The following PELI2 variants were observed in gnomAD, a reference collection of about 807,000 sequenced individuals.
PELI2 encodes the protein pellino E3 ubiquitin protein ligase family member 2.
PELI2 carries 23 observed loss-of-function variants against 42.3 expected under a neutral mutation model. That is an observed-to-expected ratio of 0.54 (90% confidence interval 0.39 to 0.77). The LOEUF (loss-of-function observed/expected upper bound fraction) is 0.77, where lower values mean the gene tolerates loss of function less well. PELI2 is among the 30% of genes least tolerant of loss of function. The pLI, the probability that PELI2 is intolerant of heterozygous loss-of-function variation, is 0.00. For synonymous variants in PELI2, 245 were observed against 212.2 expected (o/e 1.15, Z -1.34); for missense variants, 463 against 553.2 (o/e 0.84, Z 1.64).
intron 2 of PELI2, among the ~76,000 whole-genome samples, chr14:56,249,069 G>C (rs930213145): frequency 1.3e-5 from 2 of 152,142 alleles, no homozygotes; most frequent in Non-Finnish European, 2.9e-5. Flanking sequence ...TAGTGGTGCC[G>C]TGAATTGGCC....
chr14:56,176,784 C>T (rs1287977037), intron 1 of PELI2, among the ~76,000 whole-genome samples: 8 of 152,222 alleles, frequency 5.3e-5, no homozygotes, highest in Non-Finnish European at 5.9e-5. Context: ...GCATACATAG[C>T]AAGCCTTGCC....
chr14:56,210,347 G>A (rs896306256), intron 2 of PELI2, among the ~76,000 whole-genome samples: 3 of 152,140 alleles, frequency 2.0e-5, no homozygotes, highest in African/African-American at 7.2e-5. Context: ...TCTTTGGGAT[G>A]AGGATTGGGA....
intron 3 of PELI2, among the ~76,000 whole-genome samples, chr14:56,287,119 T>C (rs759778548): frequency 6.6e-6 from 1 of 152,174 alleles, no homozygotes; most frequent in Admixed American, 6.6e-5. Flanking sequence ...TGAAAAGTCA[T>C]TGCCCTCTTC....
At chr14:56,133,163 T>A (rs1883558498) in intron 1 of PELI2, among the ~76,000 whole-genome samples, 2 of 152,236 alleles carry the variant, frequency 1.3e-5, no homozygotes, top group Non-Finnish European at 2.9e-5. Flanking sequence ...CACCTCATTT[T>A]AAACATAATA....
Position 56,300,898 on chromosome 14 carries a change from A to G in PELI2, c.*3732A>G, listed in dbSNP as rs375964151. The G allele has an allele frequency of 3.9e-5, 6 of 152,304 alleles. No homozygotes were observed. Among genetic ancestry groups the G allele is most frequent in the African/African-American group, 1.2e-4 (5 of 41,578 alleles). The allele number at this position is 152,304 out of a possible 1,614,324, so 9.4% of individuals were successfully genotyped here. On this transcript the variant is annotated 3_prime_UTR_variant, in exon 6 of 6. Transcript: ENST00000267460. ...TAAGCATCATTGAAGCAGTAACACA[A>G]AAAAAAGGTTCAGTATTTTCTTTTT...
chr14:56,129,788 G>A (rs1883412616), intron 1 of PELI2, among the ~76,000 whole-genome samples: 1 of 152,184 alleles, frequency 6.6e-6, no homozygotes. Flanking sequence ...GTGTGGAGCA[G>A]GTGAGGACTG....
intron 2 of PELI2, among the ~76,000 whole-genome samples, chr14:56,269,145 A>C (rs1401674756): frequency 6.6e-6 from 1 of 152,166 alleles, no homozygotes; most frequent in East Asian, 1.9e-4. Flanking sequence ...TAAAGCAATA[A>C]AAAGAATTGA....
At chr14:56,191,716 T>G (rs925657497) in intron 2 of PELI2, among the ~76,000 whole-genome samples, 2 of 152,240 alleles carry the variant, frequency 1.3e-5, no homozygotes, top group African/African-American at 2.4e-5. Context: ...CACTAGCAAC[T>G]TCAAAATCTG....
At chr14:56,200,634 T>C (rs1886303840) in intron 2 of PELI2, among the ~76,000 whole-genome samples, 2 of 152,334 alleles carry the variant, frequency 1.3e-5, no homozygotes, top group African/African-American at 2.4e-5. Flanking sequence ...TGTTGAAATA[T>C]TGGCTTTTTG....
chr14:56,194,726 G>A (rs1654108347), intron 2 of PELI2, among the ~76,000 whole-genome samples: 1 of 152,186 alleles, frequency 6.6e-6, no homozygotes, highest in Non-Finnish European at 1.5e-5. Context: ...CCCTGGATAA[G>A]GCAGCCCCAC....
At chr14:56,243,734 A>G (rs957481615) in intron 2 of PELI2, among the ~76,000 whole-genome samples, 2 of 152,234 alleles carry the variant, frequency 1.3e-5, no homozygotes, top group African/African-American at 4.8e-5. Context: ...AAAAGGAGTG[A>G]CAAAAATAAG....
intron 1 of PELI2, among the ~76,000 whole-genome samples, chr14:56,138,464 T>C (rs1019179674): frequency 8.4e-6 from 1 of 119,172 alleles, no homozygotes; most frequent in African/African-American, 3.2e-5. Context: ...CTGTGGTTCT[T>C]TTTTTTTTTT....
At chr14:56,156,438 A>G (rs1200121068) in intron 1 of PELI2, among the ~76,000 whole-genome samples, 3 of 152,230 alleles carry the variant, frequency 2.0e-5, no homozygotes, top group South Asian at 4.1e-4. Flanking sequence ...CCCTCCTGGC[A>G]TTATTCCAAC....
intron 2 of PELI2, among the ~76,000 whole-genome samples, chr14:56,240,469 G>T (rs751182895): frequency 1.3e-5 from 2 of 152,186 alleles, no homozygotes; most frequent in Non-Finnish European, 2.9e-5. Flanking sequence ...ATGTTAGCAA[G>T]AATAGTTTCG....
Position 56,297,190 on chromosome 14 carries a change from T to C in PELI2, c.*24T>C, listed in dbSNP as rs1009713957. ...GACGCCCTTGACAGCCATCTACGACTTTATTAACAGGTTACTGTGAAGATT... is the reference window on the plus strand; with the variant it reads ...GACGCCCTTGACAGCCATCTACGACCTTATTAACAGGTTACTGTGAAGATT... On this transcript the variant is annotated 3_prime_UTR_variant, in exon 6 of 6. Coordinates refer to ENST00000267460, the MANE Select transcript of PELI2 (RefSeq NM_021255.3). 2.0e-6 allele frequency: 3 copies of C among 1,519,298 alleles called. No individual in the cohort carries two copies. The highest frequency in any genetic ancestry group is 2.7e-6 in the Non-Finnish European group (3 of 1,115,520). The allele number at this position is 1,519,298 out of a possible 1,614,324, so 94.1% of individuals were successfully genotyped here.
intron 2 of PELI2, among the ~76,000 whole-genome samples, chr14:56,262,728 G>A (rs1326588741): frequency 6.6e-6 from 1 of 152,154 alleles, no homozygotes; most frequent in African/African-American, 2.4e-5. Flanking sequence ...TGAGTGCCTT[G>A]TTCCTGATCT....
chr14:56,152,091 G>A (rs150218890), intron 1 of PELI2, among the ~76,000 whole-genome samples: 1 of 152,318 alleles, frequency 6.6e-6, no homozygotes, highest in East Asian at 1.9e-4. Flanking sequence ...GCCAGGGAAT[G>A]TGCTTTCAAC....
rs138671911 is a variant in PELI2 at position 56,167,370 on chromosome 14, C to T, written c.78-10965C>T. ...CATGCTTTTTTTGTTTTTTATTCTTCTTTCTTTTGTCTCCTCTGTATATTT... is the reference window on the plus strand; with the variant it reads ...CATGCTTTTTTTGTTTTTTATTCTTTTTTCTTTTGTCTCCTCTGTATATTT... On this transcript the variant is annotated intron_variant, in intron 1 of 5. Transcript: ENST00000267460. Among the ~76,000 whole-genome samples, 147 of 151,960 alleles carry T rather than the reference C, an allele frequency of 9.7e-4. 1 individual carries two copies. Among genetic ancestry groups the T allele is most frequent in the Middle Eastern group, 3.4e-3 (1 of 294 alleles).
At chr14:56,202,997 C>A (rs866072575) in intron 2 of PELI2, among the ~76,000 whole-genome samples, 7 of 150,520 alleles carry the variant, frequency 4.7e-5, no homozygotes, top group South Asian at 4.2e-4. Context: ...CTGAATTTTT[C>A]AAAAAAAAAT....
Sources: allele counts gnomAD v4.1 joint callset (sites outside exome capture counted in the v4.1 genomes callset), GRCh38; gene constraint gnomAD v4.1.1; transcripts MANE v1.5; gene names NCBI Gene and HGNC (gene_info 2026-07-23, HGNC 2026-07-21).